Variants in MAPK4 observed in about 807,000 individuals in gnomAD.
MAPK4 encodes Erk3-related.
Under a neutral mutation model 47.7 loss-of-function variants are expected in MAPK4, and 22 were observed. The ratio of observed to expected loss-of-function variants is 0.46; its 90% CI spans 0.33 to 0.66. The LOEUF (loss-of-function observed/expected upper bound fraction) is 0.66, where lower values mean the gene tolerates loss of function less well. Ranked by LOEUF, MAPK4 falls within the 30% of genes least tolerant of loss-of-function variation. The probability of loss-of-function intolerance (pLI) is 0.02; values close to 1 mark genes in which losing one functional copy is unlikely to be tolerated. For missense variants in MAPK4, 736 were observed against 831.7 expected (o/e 0.88, Z 1.42); for synonymous variants, 390 against 365.7 (o/e 1.07, Z -0.76).
intron 2 of MAPK4, among the ~76,000 whole-genome samples, chr18:50,674,624 G>A (rs1264045275): frequency 1.3e-5 from 2 of 152,132 alleles, no homozygotes; most frequent in South Asian, 2.1e-4. Flanking sequence ...AAACTCCTGC[G>A]GACCCTGCTC....
At chr18:50,627,143 A>G (rs1176518915) in intron 1 of MAPK4, among the ~76,000 whole-genome samples, 1 of 147,200 alleles carries the variant, frequency 6.8e-6, no homozygotes, top group Non-Finnish European at 1.5e-5. Flanking sequence ...TGTGGACCAC[A>G]TGGTCAGAGG....
At chr18:50,723,182 C>T (rs545844721) in intron 4 of MAPK4, among the ~76,000 whole-genome samples, 1 of 152,244 alleles carries the variant, frequency 6.6e-6, no homozygotes, top group African/African-American at 2.4e-5. Context: ...TGGCTGTGCC[C>T]GGGACCCAGG....
Position 50,726,069 on chromosome 18 carries a change from G to A in MAPK4, c.961G>A (p.Glu321Lys), listed in dbSNP as rs753916970. 8.1e-6 allele frequency: 13 copies of A among 1,613,902 alleles called. No homozygotes were observed. The highest frequency in any genetic ancestry group is 2.7e-5 in the African/African-American group (2 of 74,872). The change falls in exon 5 of 6, where the codon GAG becomes AAG. Residue 321 changes from glutamate (E) to lysine (K), a missense_variant. Coordinates refer to ENST00000400384, the MANE Select transcript of MAPK4 (RefSeq NM_002747.4). ...YMSPYSCPED[E>K]PTSQHPFRIE... ...GAGCCCATACTCGTGCCCTGAGGAC[G>A]AGCCCACCTCACAACACCCCTTCCG...
At chr18:50,639,411 G>A (rs1013219662) in intron 1 of MAPK4, among the ~76,000 whole-genome samples, 3 of 152,156 alleles carry the variant, frequency 2.0e-5, no homozygotes, top group African/African-American at 7.2e-5. Flanking sequence ...GTTAAGGGAG[G>A]TGGGGGTAAA....
chr18:50,710,429 G>A lies in MAPK4; in HGVS notation c.547-4650G>A, dbSNP rs1447467548. On this transcript the variant is annotated intron_variant, in intron 2 of 5. Transcript: ENST00000400384. ...ATCCGGGAGGCGGAGGTTGCAGAGA[G>A]CCAAGATGGCACCACTGCACTCCAG... Among the ~76,000 whole-genome samples, 3 of 152,058 alleles carry A rather than the reference G, an allele frequency of 2.0e-5. No individual in the cohort carries two copies. In the East Asian group the frequency reaches 5.8e-4, roughly 29 times the overall value.
chr18:50,626,358 A>G (rs146658592), intron 1 of MAPK4, among the ~76,000 whole-genome samples: 1 of 152,342 alleles, frequency 6.6e-6, no homozygotes, highest in Non-Finnish European at 1.5e-5. Context: ...CCAGATGGTC[A>G]GAGCAGGCTC....
intron 2 of MAPK4, among the ~76,000 whole-genome samples, chr18:50,708,353 A>G (rs994676844): frequency 9.9e-5 from 15 of 152,020 alleles, no homozygotes; most frequent in Non-Finnish European, 1.9e-4. Context: ...CAAAGAATTA[A>G]CCCCTATTAT....
chr18:50,611,342 C>T (rs920029170), intron 1 of MAPK4, among the ~76,000 whole-genome samples: 3 of 152,218 alleles, frequency 2.0e-5, no homozygotes, highest in Non-Finnish European at 4.4e-5. Context: ...CCTTCCTTGG[C>T]ATCTTCTTCC....
chr18:50,639,922 A>G (rs973644), intron 1 of MAPK4, among the ~76,000 whole-genome samples: 30,220 of 152,166 alleles, frequency 0.2, 3,417 homozygotes, highest in African/African-American at 0.3. Context: ...AATTGTCTCT[A>G]TTAGCAACTA....
At chr18:50,677,351 G>T (rs1423322748) in intron 2 of MAPK4, among the ~76,000 whole-genome samples, 1 of 152,182 alleles carries the variant, frequency 6.6e-6, no homozygotes, top group Non-Finnish European at 1.5e-5. Context: ...AACATTCATG[G>T]TTTTATCACA....
At chr18:50,725,157 C>T (rs1911126294) in intron 4 of MAPK4, among the ~76,000 whole-genome samples, 1 of 152,224 alleles carries the variant, frequency 6.6e-6, no homozygotes, top group Non-Finnish European at 1.5e-5. Flanking sequence ...GCCCAGAACT[C>T]CCCCTTGATC....
At chr18:50,673,445 C>A (rs146142103) in intron 2 of MAPK4, among the ~76,000 whole-genome samples, 1 of 152,232 alleles carries the variant, frequency 6.6e-6, no homozygotes, top group Non-Finnish European at 1.5e-5. Context: ...CCGCTAGGGA[C>A]GCTGGAGTGG....
chr18:50,590,958 G>A (rs1400916347), intron 1 of MAPK4, among the ~76,000 whole-genome samples: 3 of 152,184 alleles, frequency 2.0e-5, no homozygotes, highest in East Asian at 3.8e-4. Flanking sequence ...CACAAGCTGT[G>A]CATTTTGTCC....
rs562392751 is a variant in MAPK4, at chr18:50,607,030, G to A, written c.-871+46787G>A. ...AAACCTGGCAGTGTTAAGCCAGTGCGATTTTGATGCTGTTTCTTACTGCAG... is the reference window on the plus strand; with the variant it reads ...AAACCTGGCAGTGTTAAGCCAGTGCAATTTTGATGCTGTTTCTTACTGCAG... On this transcript the variant is annotated intron_variant, in intron 1 of 5. Transcript: ENST00000400384. Among the ~76,000 whole-genome samples the A allele has an allele frequency of 6.6e-5, 10 of 152,328 alleles. 1 individual carries two copies. The highest frequency in any genetic ancestry group is 3.3e-4 in the Admixed American group (5 of 15,294).
chr18:50,590,150 T>G (rs995797658), intron 1 of MAPK4, among the ~76,000 whole-genome samples: 8 of 152,230 alleles, frequency 5.3e-5, no homozygotes, highest in African/African-American at 1.9e-4. Flanking sequence ...TAGGCCTATC[T>G]TGATGCCCAG....
At chr18:50,595,308 G>A (rs1194253569) in intron 1 of MAPK4, among the ~76,000 whole-genome samples, 1 of 152,146 alleles carries the variant, frequency 6.6e-6, no homozygotes, top group Non-Finnish European at 1.5e-5. Context: ...TTCCGTGAAA[G>A]CAGAATGGAT....
At chr18:50,559,914 C>A (rs1224650832), upstream of MAPK4, among the ~76,000 whole-genome samples, 1 of 151,136 alleles carries the variant, frequency 6.6e-6, no homozygotes, top group African/African-American at 2.4e-5. Flanking sequence ...CTGGAGGCTG[C>A]GGGAGGGCAG....
intron 1 of MAPK4, among the ~76,000 whole-genome samples, chr18:50,645,224 A>G (rs1191273832): frequency 6.6e-6 from 1 of 151,720 alleles, no homozygotes; most frequent in Non-Finnish European, 1.5e-5. Flanking sequence ...AGGAGAGATG[A>G]ATGCCAATGC....
intron 2 of MAPK4, among the ~76,000 whole-genome samples, chr18:50,671,460 C>A (rs1907943874): frequency 1.3e-5 from 2 of 152,186 alleles, no homozygotes. Context: ...GAGGGCTCAG[C>A]AAATTACTGC....
Sources: gnomAD v4.1 joint callset for allele counts (sites outside exome capture counted in the v4.1 genomes callset) on GRCh38, gnomAD v4.1.1 for gene constraint, MANE v1.5 for transcripts, NCBI Gene and HGNC (gene_info 2026-07-23, HGNC 2026-07-21) for gene names.